The following UHRF2 variants were observed in gnomAD, a reference collection of about 807,000 sequenced individuals.
UHRF2 encodes the protein ubiquitin like with PHD and ring finger domains 2.
Under a neutral mutation model 96.8 loss-of-function variants are expected in UHRF2, and 23 were observed. That is an observed-to-expected ratio of 0.24 (90% CI 0.17 to 0.34). The LOEUF is 0.34. Among genes scored for constraint, UHRF2 ranks in the 10% least tolerant of loss-of-function variants. The probability of loss-of-function intolerance (pLI) is 1.00; values close to 1 mark genes in which losing one functional copy is unlikely to be tolerated. For synonymous variants in UHRF2, 385 were observed against 332.6 expected (o/e 1.16, Z -1.72); for missense variants, 685 against 981.5 (o/e 0.70, Z 4.04).
intron 3 of UHRF2, among the ~76,000 whole-genome samples, chr9:6,458,667 G>C (rs1822329417): frequency 6.6e-6 from 1 of 152,068 alleles, no homozygotes; most frequent in Non-Finnish European, 1.5e-5. Flanking sequence ...AATTCCTCAA[G>C]GACCTAGAAC....
chr9:6,459,639 A>T (rs565109417), intron 3 of UHRF2, among the ~76,000 whole-genome samples: 2 of 152,360 alleles, frequency 1.3e-5, no homozygotes, highest in East Asian at 3.9e-4. Flanking sequence ...ACTGCACTCC[A>T]GCCTGGCTGA....
chr9:6,421,878 T>A (rs1462109886), intron 2 of UHRF2, among the ~76,000 whole-genome samples: 1 of 152,248 alleles, frequency 6.6e-6, no homozygotes, highest in Non-Finnish European at 1.5e-5. Flanking sequence ...ATTTGAATTT[T>A]ATATAATGGA....
Position 6,432,939 on chromosome 9 carries a change from C to G in UHRF2, c.385-975C>G, listed in dbSNP as rs979736563. Among the ~76,000 whole-genome samples the G allele has an allele frequency of 3.3e-5, 5 of 152,104 alleles. No homozygotes were observed. In the East Asian group the frequency reaches 9.7e-4, roughly 29 times the overall value. The stretch of plus-strand genomic sequence containing the variant: ...CACTGCAACCTCCACCTCCCGGGTT[C>G]AAGTGATTCTCCTGCCTTAGCCTCC... On this transcript the variant is annotated intron_variant, in intron 2 of 15. Coordinates refer to ENST00000276893, the MANE Select transcript of UHRF2 (RefSeq NM_152896.3).
chr9:6,417,605 GTAGA>G (rs1416270895), intron 1 of UHRF2, among the ~76,000 whole-genome samples: 1 of 152,138 alleles, frequency 6.6e-6, no homozygotes, highest in Non-Finnish European at 1.5e-5. Context: ...TGTTATTGCG[GTAGA>G]TAAATGGTCA....
intron 1 of UHRF2, among the ~76,000 whole-genome samples, chr9:6,416,186 C>T (rs1171743942): frequency 3.9e-5 from 6 of 152,136 alleles, no homozygotes; most frequent in Non-Finnish European, 5.9e-5. Flanking sequence ...GCCGCAGTCT[C>T]CCAAGTAGCT....
rs572383686 is a variant in UHRF2 at position 6,467,197 on chromosome 9, A to G, written c.863+6406A>G. 9.2e-5 allele frequency among the ~76,000 whole-genome samples: 14 copies of G among 152,220 alleles called. No homozygotes were observed. In the East Asian group the frequency reaches 1.9e-3, roughly 21 times the overall value. The stretch of plus-strand genomic sequence containing the variant: ...GAGAACCCATTTTCTTGCCTTTACC[A>G]TGTTTCAGACGCCTCCCACATGCCT... On this transcript the variant is annotated intron_variant, in intron 4 of 15. Coordinates refer to ENST00000276893, the MANE Select transcript of UHRF2 (RefSeq NM_152896.3).
At chr9:6,442,669 G>C (rs949200305) in intron 3 of UHRF2, among the ~76,000 whole-genome samples, 1 of 150,706 alleles carries the variant, frequency 6.6e-6, no homozygotes, top group Non-Finnish European at 1.5e-5. Flanking sequence ...TTTTTTTTGG[G>C]GGGGTAGAGA....
intron 4 of UHRF2, among the ~76,000 whole-genome samples, chr9:6,468,002 C>T (rs560306561): frequency 1.3e-5 from 2 of 152,122 alleles, no homozygotes; most frequent in South Asian, 2.1e-4. Flanking sequence ...TTTTTTCTTA[C>T]TTGAAATTAC....
intron 3 of UHRF2, among the ~76,000 whole-genome samples, chr9:6,459,704 T>A (rs1050951198): frequency 1.6e-4 from 24 of 152,332 alleles, no homozygotes; most frequent in African/African-American, 5.5e-4. Context: ...CCTGACATGG[T>A]GGCTCATGCC....
At chr9:6,505,919 A>G in intron 15 of UHRF2, 114 bp from the exon 16 acceptor site, 2 of 1,103,958 alleles carry the variant, frequency 1.8e-6, no homozygotes, top group Admixed American at 2.2e-5. Flanking sequence ...ATGTTTGTTC[A>G]TTCTGTACAT....
chr9:6,419,733 G>GATTT, intron 1 of UHRF2, among the ~76,000 whole-genome samples: 1 of 151,912 alleles, frequency 6.6e-6, no homozygotes, highest in South Asian at 2.1e-4. Flanking sequence ...AACATTTTGG[G>GATTT]ATTTATTTAT....
At chr9:6,417,180 A>G (rs1313909260) in intron 1 of UHRF2, among the ~76,000 whole-genome samples, 1 of 152,070 alleles carries the variant, frequency 6.6e-6, no homozygotes, top group East Asian at 1.9e-4. Flanking sequence ...TCCACTTGGC[A>G]TTTGCTTTCT....
intron 1 of UHRF2, among the ~76,000 whole-genome samples, chr9:6,420,390 G>A (rs1819860386): frequency 6.9e-6 from 1 of 145,584 alleles, no homozygotes; most frequent in African/African-American, 2.5e-5. Context: ...AGTGTTCTCT[G>A]TAGTGAATAT....
At chr9:6,417,168 C>T (rs1012521750) in intron 1 of UHRF2, among the ~76,000 whole-genome samples, 6 of 152,186 alleles carry the variant, frequency 3.9e-5, no homozygotes, top group Admixed American at 2.6e-4. Flanking sequence ...CTCTCAGCCA[C>T]TTCCACTTGG....
At chr9:6,431,597 A>T (rs893986119) in intron 2 of UHRF2, among the ~76,000 whole-genome samples, 1 of 152,126 alleles carries the variant, frequency 6.6e-6, no homozygotes, top group Non-Finnish European at 1.5e-5. Context: ...AAAAATTCTT[A>T]CGTCCAGTTG....
chr9:6,487,373 A>G (rs544317307), intron 9 of UHRF2, among the ~76,000 whole-genome samples: 2 of 150,134 alleles, frequency 1.3e-5, no homozygotes, highest in Admixed American at 6.6e-5. Context: ...ATTTTTATGT[A>G]TTTATTTTTT....
intron 3 of UHRF2, among the ~76,000 whole-genome samples, chr9:6,440,080 A>T (rs1821076437): frequency 6.6e-6 from 1 of 152,164 alleles, no homozygotes; most frequent in Non-Finnish European, 1.5e-5. Flanking sequence ...AAAAGTTAAG[A>T]TTAACATTTT....
In UHRF2 at chr9:6,506,475, A is replaced by G. The variant is rs1345480668; in HGVS notation, c.*296A>G. 9.4e-6 allele frequency: 2 copies of G among 211,792 alleles called. No homozygotes were observed. The highest frequency in any genetic ancestry group is 4.6e-5 in the African/African-American group (2 of 43,772). The allele number at this position is 211,792 out of a possible 1,614,324, so 13.1% of individuals were successfully genotyped here. ...TTTTGCAACTACCTCAGGACAGAAA[A>G]GATTTATGGGGATTTTAAAAATCAT... is the stretch of plus-strand genomic sequence containing the variant. On this transcript the variant is annotated 3_prime_UTR_variant, in exon 16 of 16. Transcript: ENST00000276893.
intron 3 of UHRF2, among the ~76,000 whole-genome samples, chr9:6,451,766 C>A (rs1004590241): frequency 2.4e-5 from 1 of 40,844 alleles, no homozygotes; most frequent in Non-Finnish European, 5.7e-5. Flanking sequence ...CCACCGCGCC[C>A]GGCCTGTTTG....
Sources: gnomAD v4.1 joint callset for allele counts (sites outside exome capture counted in the v4.1 genomes callset) on GRCh38, gnomAD v4.1.1 for gene constraint, MANE v1.5 for transcripts, NCBI Gene and HGNC (gene_info 2026-07-23, HGNC 2026-07-21) for gene names.